The following DGKB variants were observed in gnomAD, a reference collection of about 807,000 sequenced individuals.
DGKB encodes diacylglycerol kinase beta.
In DGKB, 67 loss-of-function variants were observed where a neutral mutation model predicts 114.3. That is an observed-to-expected ratio of 0.59 (90% CI 0.48 to 0.72). The LOEUF is 0.72. Among genes scored for constraint, DGKB ranks in the 30% least tolerant of loss-of-function variants. The probability of loss-of-function intolerance (pLI) is 0.00; values close to 1 mark genes in which losing one functional copy is unlikely to be tolerated. For missense variants in DGKB, 907 were observed against 975.2 expected (o/e 0.93, Z 0.93); for synonymous variants, 398 against 323.1 (o/e 1.23, Z -2.49).
intron 21 of DGKB, among the ~76,000 whole-genome samples, chr7:14,420,562 A>T (rs948810793): frequency 2.6e-5 from 4 of 152,066 alleles, no homozygotes; most frequent in African/African-American, 9.7e-5. Context: ...GTGAAAAATA[A>T]ATCATCAGAG....
At chr7:14,781,979 T>C (rs922114430) in intron 2 of DGKB, among the ~76,000 whole-genome samples, 1 of 152,134 alleles carries the variant, frequency 6.6e-6, no homozygotes, top group African/African-American at 2.4e-5. Flanking sequence ...TAGCACAATA[T>C]CTGGCCAAAA....
chr7:14,749,553 G>A (rs73064734), intron 4 of DGKB, among the ~76,000 whole-genome samples: 2,919 of 152,166 alleles, frequency 0.019, 73 homozygotes, highest in African/African-American at 0.057. Flanking sequence ...TAATGGATTC[G>A]AAAAAGTTTA....
intron 23 of DGKB, among the ~76,000 whole-genome samples, chr7:14,219,737 T>A (rs951742059): frequency 6.6e-6 from 1 of 151,798 alleles, no homozygotes; most frequent in African/African-American, 2.4e-5. Context: ...CTTTTCACTT[T>A]CTTGATAGAG....
rs1024196213 is a variant in DGKB, at chr7:14,965,941, C to CA, written c.-188+8754dup. Among the ~76,000 whole-genome samples the CA allele has an allele frequency of 2.8e-4, 43 of 151,584 alleles. 1 individual carries two copies. Among genetic ancestry groups the CA allele is most frequent in the Admixed American group, 1.3e-3 (20 of 15,204 alleles). ...TCATGATATGAATCTATACTTCTGT[C>CA]AAAAAAAACTATATCCTCCCAAATC... On this transcript the variant is annotated intron_variant, in intron 1 of 4. Transcript: ENST00000437998.
intron 21 of DGKB, among the ~76,000 whole-genome samples, chr7:14,451,545 GTCTC>G (rs34641587): frequency 0.021 from 3,032 of 141,134 alleles, 46 homozygotes; most frequent in African/African-American, 0.044. Context: ...CTCTCTATCT[GTCTC>G]TCTCTCTCTC....
chr7:14,934,740 G>A (rs951535751), intron 1 of DGKB, among the ~76,000 whole-genome samples: 1 of 152,080 alleles, frequency 6.6e-6, no homozygotes, highest in Non-Finnish European at 1.5e-5. Flanking sequence ...TACTGAAGCA[G>A]GTGAGAAACA....
intron 1 of DGKB, among the ~76,000 whole-genome samples, chr7:14,894,805 T>C (rs2128229807): frequency 6.6e-6 from 1 of 151,690 alleles, no homozygotes; most frequent in Non-Finnish European, 1.5e-5. Context: ...TCTAGTAGTT[T>C]GGATAGAGTA....
At chr7:14,159,101 A>C (rs1291911299) in intron 25 of DGKB, among the ~76,000 whole-genome samples, 2 of 151,958 alleles carry the variant, frequency 1.3e-5, no homozygotes, top group African/African-American at 4.8e-5. Flanking sequence ...CTTTACTTCC[A>C]TGTTACCCTT....
chr7:14,354,587 A>C lies in DGKB; in HGVS notation c.1836-9196T>G, dbSNP rs376120152. On this transcript the variant is annotated intron_variant, in intron 21 of 25. Transcript: ENST00000402815. ...AAATTATTTAATATAAATTGAGATC[A>C]AGTGCTATAAAGAAGATACACAAGA... Among the ~76,000 whole-genome samples the C allele has an allele frequency of 4.6e-5, 7 of 152,324 alleles. No homozygotes were observed. In the East Asian group the frequency reaches 9.6e-4, roughly 21 times the overall value.
intron 20 of DGKB, among the ~76,000 whole-genome samples, chr7:14,483,360 A>C (rs1376855072): frequency 6.6e-6 from 1 of 152,156 alleles, no homozygotes; most frequent in African/African-American, 2.4e-5. Flanking sequence ...GAGATATTTT[A>C]CCTGAAGATG....
At chr7:14,241,722 T>C (rs1793674710) in intron 23 of DGKB, among the ~76,000 whole-genome samples, 1 of 152,018 alleles carries the variant, frequency 6.6e-6, no homozygotes, top group Non-Finnish European at 1.5e-5. Context: ...AACATTTATG[T>C]AGACACAATA....
chr7:14,724,344 T>C (rs1829703902), intron 5 of DGKB, among the ~76,000 whole-genome samples: 1 of 152,218 alleles, frequency 6.6e-6, no homozygotes, highest in Non-Finnish European at 1.5e-5. Flanking sequence ...TAGTATATTA[T>C]AATTATCTTT....
intron 23 of DGKB, among the ~76,000 whole-genome samples, chr7:14,259,200 C>CAAAG (rs1169847882): frequency 6.6e-6 from 1 of 152,020 alleles, no homozygotes; most frequent in Non-Finnish European, 1.5e-5. Flanking sequence ...GAATACAACA[C>CAAAG]AAAGACGATA....
chr7:14,363,023 C>A (rs763780646), intron 21 of DGKB, among the ~76,000 whole-genome samples: 1 of 152,118 alleles, frequency 6.6e-6, no homozygotes, highest in East Asian at 1.9e-4. Context: ...CACCTTCCCC[C>A]TCTTGGAGCA....
At chr7:14,255,322 C>G (rs1374702810) in intron 23 of DGKB, among the ~76,000 whole-genome samples, 3 of 152,044 alleles carry the variant, frequency 2.0e-5, no homozygotes, top group African/African-American at 7.2e-5. Flanking sequence ...ATTAATCACC[C>G]TCCTATTGCT....
rs1393928206 is a variant in DGKB at position 14,649,080 on chromosome 7, T to C, written c.1135-18812A>G. On this transcript the variant is annotated intron_variant, in intron 13 of 25. Transcript: ENST00000402815. ...AGTTGGAAAACATGCTGCAGGATATTATCCAGGAGAACTTCCCCAATCTAG... is the reference window on the plus strand; with the variant it reads ...AGTTGGAAAACATGCTGCAGGATATCATCCAGGAGAACTTCCCCAATCTAG... Among the ~76,000 whole-genome samples, 2 of 69,708 alleles carry C rather than the reference T, an allele frequency of 2.9e-5. 1 individual carries two copies. The highest frequency in any genetic ancestry group is 1.1e-4 in the African/African-American group (2 of 17,526). The allele number at this position is 69,708 out of a possible 152,430, so 45.7% of individuals were successfully genotyped here.
intron 12 of DGKB, among the ~76,000 whole-genome samples, chr7:14,676,791 T>C (rs534776530): frequency 1.3e-5 from 2 of 151,898 alleles, no homozygotes; most frequent in Non-Finnish European, 2.9e-5. Context: ...AGAAATGAAC[T>C]ACAGCATTGA....
At position 14,673,014 on chromosome 7, in the gene DGKB, C is replaced by T; in HGVS notation, c.1049G>A (p.Cys350Tyr). 1 of 1,568,702 alleles carries T rather than the reference C, an allele frequency of 6.4e-7. No homozygotes were observed. The highest frequency in any genetic ancestry group is 1.3e-5 in the African/African-American group (1 of 74,098). The part of the protein sequence containing the change: ...VWCQITLHNK[C>Y]ASHLKPECDC... ...ACATTCAGGTTTTAGATGAGAAGCA[C>T]ATTTATTATGCAGCTAGAAAAACAG... Residue 350 changes from cysteine to tyrosine, a missense_variant, in exon 13 of 26, where the codon TGT becomes TAT. By Grantham distance (194) the Cys-to-Tyr change is radical. This residue lies in a region of DGKB where 814 missense variants were observed against 856.6 expected (regional missense o/e 0.95). Coordinates refer to ENST00000402815, the MANE Select transcript of DGKB (RefSeq NM_001350709.2).
At chr7:14,322,392 T>G (rs1021271977) in intron 23 of DGKB, among the ~76,000 whole-genome samples, 2 of 152,170 alleles carry the variant, frequency 1.3e-5, no homozygotes, top group Non-Finnish European at 2.9e-5. Context: ...GTAGTGGGTG[T>G]AGGAGTCTTT....
Sources: allele counts gnomAD v4.1 joint callset (sites outside exome capture counted in the v4.1 genomes callset), GRCh38; gene constraint gnomAD v4.1.1; regional missense constraint gnomAD v4.1.1; transcripts MANE v1.5; gene names NCBI Gene and HGNC (gene_info 2026-07-23, HGNC 2026-07-21).